CBL: variants seen among roughly 807,000 people sequenced by gnomAD.
CBL encodes the protein Cbl proto-oncogene, also known as E3 ubiquitin-protein ligase CBL.
A neutral mutation model predicts 96.9 loss-of-function variants in CBL; 45 were observed. The ratio of observed to expected loss-of-function variants is 0.46; its 90% CI spans 0.37 to 0.60. The LOEUF (loss-of-function observed/expected upper bound fraction) is 0.60, where lower values mean the gene tolerates loss of function less well. Among genes scored for constraint, CBL ranks in the 20% least tolerant of loss-of-function variants. The pLI is 0.00. For synonymous variants in CBL, 420 were observed against 426.8 expected (o/e 0.98, Z 0.20); for missense variants, 1,024 against 1,143.5 (o/e 0.90, Z 1.51).
At chr11:119,270,291 C>G (rs1022067163) in intron 2 of CBL, among the ~76,000 whole-genome samples, 5 of 138,228 alleles carry the variant, frequency 3.6e-5, no homozygotes, top group African/African-American at 1.4e-4. Context: ...GTTGCCCAGG[C>G]TGGAGTGCAG....
chr11:119,237,350 C>T (rs1374438083), intron 2 of CBL, among the ~76,000 whole-genome samples: 2 of 152,172 alleles, frequency 1.3e-5, no homozygotes, highest in African/African-American at 2.4e-5. Context: ...AAACTTTACT[C>T]CCATTCTGTG....
chr11:119,214,779 C>T (rs1292735979), intron 1 of CBL, among the ~76,000 whole-genome samples: 1 of 151,758 alleles, frequency 6.6e-6, no homozygotes, highest in African/African-American at 2.4e-5. Context: ...CACCTTTTAG[C>T]TTCAGTTTAT....
In CBL at chr11:119,307,329, C is replaced by A. The variant is rs1213563141; in HGVS notation, c.*7548C>A. The A allele has an allele frequency of 4.3e-6, 1 of 232,848 alleles. No homozygotes were observed. Among genetic ancestry groups the A allele is most frequent in the Non-Finnish European group, 8.5e-6 (1 of 117,672 alleles). 14.4% of individuals were successfully genotyped at this position (232,848 alleles called of 1,614,324 possible). A position where few individuals can be genotyped will look rare whatever the true frequency, so the allele number is the denominator to read the frequency against. ...CCTAGCCTTCTGATGACATTAATTA[C>A]CTAGTTGTGTCGAGGAGTATAGGAT... On this transcript the variant is annotated 3_prime_UTR_variant, in exon 16 of 16. Transcript: ENST00000264033.
At chr11:119,290,076 CTGTT>C (rs997947074) in intron 12 of CBL, among the ~76,000 whole-genome samples, 1 of 151,426 alleles carries the variant, frequency 6.6e-6, no homozygotes. Flanking sequence ...ATCAGCATCT[CTGTT>C]TGTTGCCCAG....
At chr11:119,234,168 G>T (rs933438071) in intron 2 of CBL, among the ~76,000 whole-genome samples, 1 of 152,030 alleles carries the variant, frequency 6.6e-6, no homozygotes, top group African/African-American at 2.4e-5. Flanking sequence ...CGCTGTGCCC[G>T]GCTAATTTTT....
intron 2 of CBL, among the ~76,000 whole-genome samples, chr11:119,264,610 T>A (rs1207165165): frequency 2.0e-5 from 3 of 152,008 alleles, no homozygotes; most frequent in Non-Finnish European, 4.4e-5. Context: ...GCATCCCTAG[T>A]AGCTGAGACT....
rs1193895402 is a variant in CBL, at chr11:119,299,915, G to C, written c.*134G>C. On this transcript the variant is annotated 3_prime_UTR_variant, in exon 16 of 16. Transcript: ENST00000264033. ...GCCCTCTCTGTGGGATATCACATCA[G>C]TGGTTCCAAGATTTCAAAGTGGTGA... 9.4e-6 allele frequency: 8 copies of C among 853,852 alleles called. No homozygotes were observed. The East Asian group carries it at 1.7e-4, about 18-fold the overall frequency. 52.9% of individuals were successfully genotyped at this position (853,852 alleles called of 1,614,324 possible). A position where few individuals can be genotyped will look rare whatever the true frequency, so the allele number is the denominator to read the frequency against.
chr11:119,260,938 A>ATTTTTTTTT (rs1949749199), intron 2 of CBL, among the ~76,000 whole-genome samples: 2 of 40,598 alleles, frequency 4.9e-5, no homozygotes, highest in Non-Finnish European at 4.6e-5. Context: ...TTAAATCTCT[A>ATTTTTTTTT]CTTTTTTTTT....
rs2135310240 is a variant in CBL, at chr11:119,285,169, C to T, written c.1564-20C>T. On this transcript the variant is annotated intron_variant, in intron 10 of 15. Coordinates refer to ENST00000264033, the MANE Select transcript of CBL (RefSeq NM_005188.4). Reference sequence around the variant, plus strand: ...GTACTAGTGGGTTTTTACTGATTTGCTTTCACCCTGCTTCCACAGGCTGCT... The same window carrying T: ...GTACTAGTGGGTTTTTACTGATTTGTTTTCACCCTGCTTCCACAGGCTGCT... 4 of 1,614,124 alleles carry T rather than the reference C, an allele frequency of 2.5e-6. No individual in the cohort carries two copies. The highest frequency in any genetic ancestry group is 3.4e-6 in the Non-Finnish European group (4 of 1,180,040).
At chr11:119,210,020 G>A (rs1001954992) in intron 1 of CBL, among the ~76,000 whole-genome samples, 4 of 152,178 alleles carry the variant, frequency 2.6e-5, no homozygotes, top group Admixed American at 2.0e-4. Flanking sequence ...TGGCTTGTAA[G>A]CCAAAAGACA....
At chr11:119,248,083 T>C (rs1565864035) in intron 2 of CBL, among the ~76,000 whole-genome samples, 2 of 152,182 alleles carry the variant, frequency 1.3e-5, no homozygotes. Flanking sequence ...GCAATACCTA[T>C]CAAAATTCCA....
chr11:119,303,403 T>C lies in CBL; in HGVS notation c.*3622T>C, dbSNP rs1023495416. On this transcript the variant is annotated 3_prime_UTR_variant, in exon 16 of 16. Transcript: ENST00000264033. ...CAAATGTTTATGAGTGATGACCATG[T>C]GCCAGAAATGTCAGGTATGTGTCCT... is the stretch of plus-strand genomic sequence containing the variant. The C allele has an allele frequency of 7.3e-5, 17 of 233,490 alleles. No individual in the cohort carries two copies. The highest frequency in any genetic ancestry group is 1.4e-4 in the Non-Finnish European group (17 of 117,992). 14.5% of individuals were successfully genotyped at this position (233,490 alleles called of 1,614,324 possible). A position where few individuals can be genotyped will look rare whatever the true frequency, so the allele number is the denominator to read the frequency against.
In CBL at chr11:119,304,744, A is replaced by G. The variant is rs1040478514; in HGVS notation, c.*4963A>G. ...CAGGTTCAAGCAGTTCTCTGCCTCA[A>G]CCTCCCGAGTAGCTGGGATTACAGG... is the stretch of plus-strand genomic sequence containing the variant. On this transcript the variant is annotated 3_prime_UTR_variant, in exon 16 of 16. Coordinates refer to ENST00000264033, the MANE Select transcript of CBL (RefSeq NM_005188.4). 3.1e-5 allele frequency: 6 copies of G among 196,080 alleles called. No individual in the cohort carries two copies. Among genetic ancestry groups the G allele is most frequent in the African/African-American group, 9.3e-5 (4 of 43,010 alleles). The allele number at this position is 196,080 out of a possible 1,614,324, so 12.1% of individuals were successfully genotyped here.
At chr11:119,289,575 G>A (rs190017121) in intron 12 of CBL, 69 of 147,686 alleles carry the variant, frequency 4.7e-4, no homozygotes, top group African/African-American at 1.6e-3. Context: ...AATATGGAAC[G>A]CTTGATGAAT....
intron 1 of CBL, among the ~76,000 whole-genome samples, chr11:119,211,960 C>T (rs1051084917): frequency 2.0e-5 from 3 of 152,010 alleles, no homozygotes; most frequent in Non-Finnish European, 2.9e-5. Context: ...ACTATTGTTG[C>T]CCAGACTGGA....
chr11:119,207,842 C>T (rs1357148810), intron 1 of CBL, among the ~76,000 whole-genome samples: 1 of 152,170 alleles, frequency 6.6e-6, no homozygotes, highest in Non-Finnish European at 1.5e-5. Context: ...CTCGGTTCCT[C>T]TTCTGTAAAG....
In CBL at chr11:119,301,320, C is replaced by T. The variant is rs1385204787; in HGVS notation, c.*1539C>T. On this transcript the variant is annotated 3_prime_UTR_variant, in exon 16 of 16. Transcript: ENST00000264033. The stretch of plus-strand genomic sequence containing the variant: ...AGAATTGAGGGTCCAGTTGGGAGAA[C>T]TATTAGTCAGTTCTTTTATATGCTG... The T allele has an allele frequency of 4.3e-6, 1 of 233,106 alleles. No individual in the cohort carries two copies. The highest frequency in any genetic ancestry group is 8.5e-6 in the Non-Finnish European group (1 of 118,026). 14.4% of individuals were successfully genotyped at this position (233,106 alleles called of 1,614,324 possible).
chr11:119,287,192 G>A (rs151280123), intron 11 of CBL, among the ~76,000 whole-genome samples: 2 of 152,318 alleles, frequency 1.3e-5, no homozygotes, highest in East Asian at 1.9e-4. Flanking sequence ...GAAGCCTTTC[G>A]AGAGCATGAA....
chr11:119,288,636 CA>C (rs1950002917), intron 12 of CBL, among the ~76,000 whole-genome samples: 1 of 152,238 alleles, frequency 6.6e-6, no homozygotes, highest in South Asian at 2.1e-4. Flanking sequence ...TATATGCATG[CA>C]GGGGATTAGT....
Sources: gnomAD v4.1 joint callset for allele counts (sites outside exome capture counted in the v4.1 genomes callset) on GRCh38, gnomAD v4.1.1 for gene constraint, MANE v1.5 for transcripts, NCBI Gene and HGNC (gene_info 2026-07-23, HGNC 2026-07-21) for gene names.